HS6ST3: variants seen among roughly 807,000 people sequenced by gnomAD.
The protein encoded by HS6ST3 is heparan-sulfate 6-O-sulfotransferase 3.
In HS6ST3, 12 loss-of-function variants were observed where a neutral mutation model predicts 36.7. The observed-to-expected ratio is 0.33, with a 90% confidence interval of 0.21 to 0.53. HS6ST3 has a LOEUF of 0.53. Ranked by LOEUF, HS6ST3 falls within the 20% of genes least tolerant of loss-of-function variation. HS6ST3 has a pLI of 0.95. For synonymous variants in HS6ST3, 240 were observed against 257.5 expected, an observed-to-expected ratio of 0.93 and a Z score of 0.65; for missense variants, 584 against 640.9, an observed-to-expected ratio of 0.91 and a Z score of 0.96.
chr13:96,137,771 G>C (rs2054010000), intron 1 of HS6ST3, among the ~76,000 whole-genome samples: 1 of 152,176 alleles, frequency 6.6e-6, no homozygotes, highest in South Asian at 2.1e-4. Flanking sequence ...GCCCATCCCT[G>C]TTTCAGGCCG....
intron 1 of HS6ST3, among the ~76,000 whole-genome samples, chr13:96,468,493 C>G (rs1007152924): frequency 2.0e-5 from 3 of 151,648 alleles, no homozygotes; most frequent in African/African-American, 7.3e-5. Flanking sequence ...CACACACACA[C>G]ACACACACAC....
intron 1 of HS6ST3, among the ~76,000 whole-genome samples, chr13:96,491,600 T>A (rs2055945987): frequency 6.6e-6 from 1 of 152,052 alleles, no homozygotes; most frequent in Non-Finnish European, 1.5e-5. Context: ...AAATGAATTA[T>A]CTGCCACCAC....
intron 1 of HS6ST3, among the ~76,000 whole-genome samples, chr13:96,114,610 G>T (rs749243398): frequency 6.6e-6 from 1 of 152,160 alleles, no homozygotes; most frequent in East Asian, 1.9e-4. Context: ...TAATAATAGG[G>T]CCTACCTTAT....
chr13:96,618,820 A>G (rs1315541329), intron 1 of HS6ST3, among the ~76,000 whole-genome samples: 1 of 152,194 alleles, frequency 6.6e-6, no homozygotes, highest in African/African-American at 2.4e-5. Flanking sequence ...CATATGATGG[A>G]CCCATAGTAC....
At chr13:96,809,255 A>T (rs945662712) in intron 1 of HS6ST3, among the ~76,000 whole-genome samples, 5 of 152,006 alleles carry the variant, frequency 3.3e-5, no homozygotes, top group African/African-American at 1.2e-4. Flanking sequence ...TGCTAACATG[A>T]CTCTCCCTAA....
rs2056231162 is a variant in HS6ST3, at chr13:96,554,288, C to G, written c.708-278202C>G. 3.9e-5 allele frequency among the ~76,000 whole-genome samples: 6 copies of G among 152,240 alleles called. No homozygotes were observed. The South Asian group carries it at 1.2e-3, about 32-fold the overall frequency. ...TTACCAAACCAAGAGGTGAGAATTT[C>G]CAGATATCATATCTTGCTGTATAAT... On this transcript the variant is annotated intron_variant, in intron 1 of 1. Coordinates refer to ENST00000376705, the MANE Select transcript of HS6ST3 (RefSeq NM_153456.4).
intron 1 of HS6ST3, among the ~76,000 whole-genome samples, chr13:96,332,774 CTATT>C (rs1418787289): frequency 3.9e-5 from 6 of 152,192 alleles, no homozygotes; most frequent in Non-Finnish European, 7.3e-5. Flanking sequence ...AGTGTAGTGT[CTATT>C]TATATGTTCA....
At chr13:96,619,228 G>C (rs80209844) in intron 1 of HS6ST3, among the ~76,000 whole-genome samples, 2,591 of 152,240 alleles carry the variant, frequency 0.017, 50 homozygotes, top group African/African-American at 0.048. Flanking sequence ...TGTGCCTCCT[G>C]TTAATACCAA....
At chr13:96,120,917 C>T (rs1290654645) in intron 1 of HS6ST3, among the ~76,000 whole-genome samples, 2 of 152,144 alleles carry the variant, frequency 1.3e-5, no homozygotes, top group African/African-American at 4.8e-5. Context: ...ACAGGTCAGT[C>T]TCATCTGGAG....
At chr13:96,746,542 A>G (rs1010240464) in intron 1 of HS6ST3, among the ~76,000 whole-genome samples, 3 of 152,078 alleles carry the variant, frequency 2.0e-5, no homozygotes, top group African/African-American at 7.2e-5. Context: ...GGTGCTTCCC[A>G]TATGAGATAG....
chr13:96,130,906 T>C (rs1265983452), intron 1 of HS6ST3, among the ~76,000 whole-genome samples: 2 of 152,158 alleles, frequency 1.3e-5, no homozygotes, highest in East Asian at 1.9e-4. Flanking sequence ...TTATTAGAAA[T>C]GTCCAAGCCT....
intron 1 of HS6ST3, among the ~76,000 whole-genome samples, chr13:96,387,994 T>C (rs1034754784): frequency 2.0e-5 from 3 of 152,168 alleles, no homozygotes; most frequent in African/African-American, 4.8e-5. Context: ...AATTCTGATA[T>C]AAAACAACGA....
chr13:96,705,840 A>G (rs1342279146), intron 1 of HS6ST3, among the ~76,000 whole-genome samples: 1 of 152,206 alleles, frequency 6.6e-6, no homozygotes, highest in African/African-American at 2.4e-5. Context: ...GGGCACAGGC[A>G]CAGGTGACTC....
At chr13:96,106,543 A>G (rs1206563844) in intron 1 of HS6ST3, among the ~76,000 whole-genome samples, 1 of 152,246 alleles carries the variant, frequency 6.6e-6, no homozygotes, top group Non-Finnish European at 1.5e-5. Flanking sequence ...TGAGCCAGAT[A>G]TGAACACTAA....
At position 96,581,421 on chromosome 13, in the gene HS6ST3, G is replaced by A. The variant is rs772698547; in HGVS notation, c.708-251069G>A. The stretch of plus-strand genomic sequence containing the variant: ...TTTTTTTTAGTAGAGACAGGGTTTC[G>A]CCATGTTAGCCAGGTTGGTCTCGAT... On this transcript the variant is annotated intron_variant, in intron 1 of 1. Transcript: ENST00000376705. Among the ~76,000 whole-genome samples, 195 of 151,874 alleles carry A rather than the reference G, an allele frequency of 1.3e-3. 4 individuals are homozygous for A. Among genetic ancestry groups the A allele is most frequent in the Admixed American group, 6.9e-3 (105 of 15,212 alleles).
At chr13:96,686,332 C>T (rs1874777542) in intron 1 of HS6ST3, among the ~76,000 whole-genome samples, 1 of 151,970 alleles carries the variant, frequency 6.6e-6, no homozygotes, top group Admixed American at 6.6e-5. Flanking sequence ...TTCATCCCCC[C>T]CACTCAATAA....
intron 1 of HS6ST3, among the ~76,000 whole-genome samples, chr13:96,626,089 G>A (rs1052236423): frequency 4.6e-5 from 7 of 151,718 alleles, no homozygotes; most frequent in African/African-American, 1.5e-4. Context: ...TGATCCACCC[G>A]CCTCCGCCTC....
At chr13:96,308,922 A>T (rs1463797122) in intron 1 of HS6ST3, among the ~76,000 whole-genome samples, 1 of 152,256 alleles carries the variant, frequency 6.6e-6, no homozygotes, top group South Asian at 2.1e-4. Flanking sequence ...TCCTGGGAAG[A>T]TTAGGAAAAT....
At chr13:96,541,284 G>A (rs962767281) in intron 1 of HS6ST3, among the ~76,000 whole-genome samples, 9 of 152,006 alleles carry the variant, frequency 5.9e-5, no homozygotes, top group Non-Finnish European at 1.2e-4. Flanking sequence ...TGATCCACCC[G>A]CCTTAGCCTT....
Sources: gnomAD v4.1 joint callset for allele counts (sites outside exome capture counted in the v4.1 genomes callset) on GRCh38, gnomAD v4.1.1 for gene constraint, MANE v1.5 for transcripts, NCBI Gene and HGNC (gene_info 2026-07-23, HGNC 2026-07-21) for gene names.